Variants in CFAP299 observed in about 807,000 individuals in gnomAD.
The protein encoded by CFAP299 is cilia- and flagella-associated protein 299.
Under a neutral mutation model 27.0 loss-of-function variants are expected in CFAP299, and 21 were observed. The ratio of observed to expected loss-of-function variants is 0.78; its 90% CI spans 0.55 to 1.12. CFAP299 has a LOEUF of 1.12. CFAP299 is among the 50% of genes most tolerant of loss of function. CFAP299 has a pLI of 0.00. For missense variants in CFAP299, 310 were observed against 276.6 expected, an observed-to-expected ratio of 1.12 and a Z score of -0.86; for synonymous variants, 104 against 98.1, an observed-to-expected ratio of 1.06 and a Z score of -0.36.
chr4:80,842,419 C>T (rs1730912091), intron 3 of CFAP299, among the ~76,000 whole-genome samples: 1 of 152,122 alleles, frequency 6.6e-6, no homozygotes, highest in African/African-American at 2.4e-5. Flanking sequence ...CAGTTGGCTT[C>T]TAATTCCAGC....
chr4:80,556,919 A>C (rs1376251094), intron 2 of CFAP299, among the ~76,000 whole-genome samples: 1 of 152,046 alleles, frequency 6.6e-6, no homozygotes, highest in Non-Finnish European at 1.5e-5. Flanking sequence ...CTTATCTCTT[A>C]ATATTACATA....
At chr4:80,668,140 T>C (rs1242427919) in intron 3 of CFAP299, among the ~76,000 whole-genome samples, 1 of 116,226 alleles carries the variant, frequency 8.6e-6, no homozygotes, top group Non-Finnish European at 1.7e-5. Flanking sequence ...TTCAGTTCTT[T>C]TGTTTGTTTT....
chr4:80,943,848 C>T (rs905984112), intron 4 of CFAP299, among the ~76,000 whole-genome samples: 1 of 152,038 alleles, frequency 6.6e-6, no homozygotes, highest in Admixed American at 6.6e-5. Context: ...GTGGGCAGAT[C>T]ACGAGGTCAA....
intron 3 of CFAP299, among the ~76,000 whole-genome samples, chr4:80,767,129 T>C (rs571988213): frequency 1.3e-5 from 2 of 152,190 alleles, no homozygotes; most frequent in South Asian, 4.1e-4. Flanking sequence ...ACAAAATACA[T>C]ACATTGTATG....
chr4:80,725,849 T>C (rs971343628), intron 3 of CFAP299, among the ~76,000 whole-genome samples: 1 of 152,154 alleles, frequency 6.6e-6, no homozygotes, highest in Non-Finnish European at 1.5e-5. Context: ...ACTTTTGTAG[T>C]GATAGAGGAC....
In CFAP299 at chr4:80,421,243, T is replaced by C. The variant is rs143114593; in HGVS notation, c.242+58359T>C. ...ACATTCTGTTTTGCATTCTCATTAC[T>C]TTATGTAAGTGCCTCTATTAGATTA... On this transcript the variant is annotated intron_variant, in intron 2 of 5. Coordinates refer to ENST00000358105, the MANE Select transcript of CFAP299 (RefSeq NM_152770.3). Among the ~76,000 whole-genome samples, 129 of 152,324 alleles carry C rather than the reference T, an allele frequency of 8.5e-4. 2 individuals carry two copies. Among genetic ancestry groups the C allele is most frequent in the Middle Eastern group, 3.4e-3 (1 of 294 alleles).
At chr4:80,467,336 C>T (rs1729756718) in intron 2 of CFAP299, among the ~76,000 whole-genome samples, 2 of 152,188 alleles carry the variant, frequency 1.3e-5, no homozygotes, top group East Asian at 1.9e-4. Context: ...TAAGTCTATA[C>T]CTTGATGTAC....
chr4:80,858,992 C>G (rs1049359919), intron 3 of CFAP299, among the ~76,000 whole-genome samples: 1 of 152,084 alleles, frequency 6.6e-6, no homozygotes, highest in Non-Finnish European at 1.5e-5. Flanking sequence ...GTTGATCTGT[C>G]TAATGTTGAC....
At chr4:80,625,374 A>T (rs907644163) in intron 3 of CFAP299, among the ~76,000 whole-genome samples, 2 of 152,022 alleles carry the variant, frequency 1.3e-5, no homozygotes, top group African/African-American at 2.4e-5. Flanking sequence ...AGCAAAACCT[A>T]TCATAGGTAT....
chr4:80,390,411 C>T (rs753798006), intron 2 of CFAP299, among the ~76,000 whole-genome samples: 2 of 151,330 alleles, frequency 1.3e-5, no homozygotes, highest in Non-Finnish European at 2.9e-5. Context: ...GACATAATGT[C>T]CTCCAGGTTC....
At chr4:80,362,958 T>A in intron 2 of CFAP299, 74 bp downstream of exon 2, 11 of 1,476,306 alleles carry the variant, frequency 7.5e-6, no homozygotes, top group Non-Finnish European at 9.9e-6. Context: ...TTCGTTTGCA[T>A]TGTTTAATTT....
intron 4 of CFAP299, among the ~76,000 whole-genome samples, chr4:80,897,931 C>G (rs1734688543): frequency 6.6e-6 from 1 of 152,160 alleles, no homozygotes; most frequent in Non-Finnish European, 1.5e-5. Flanking sequence ...GGCACTCAAC[C>G]CCTTGCAGGA....
intron 4 of CFAP299, among the ~76,000 whole-genome samples, chr4:80,928,554 T>C (rs890006697): frequency 6.6e-5 from 10 of 152,118 alleles, no homozygotes; most frequent in African/African-American, 2.4e-4. Context: ...ATTCATAATG[T>C]AAAAGTGAGG....
At chr4:80,483,360 C>T (rs1343074382) in intron 2 of CFAP299, among the ~76,000 whole-genome samples, 2 of 152,142 alleles carry the variant, frequency 1.3e-5, no homozygotes, top group East Asian at 3.9e-4. Context: ...CAGGAGAAAA[C>T]TAATAACACC....
At chr4:80,788,844 T>G (rs1727391559) in intron 3 of CFAP299, among the ~76,000 whole-genome samples, 1 of 152,044 alleles carries the variant, frequency 6.6e-6, no homozygotes. Flanking sequence ...AGAAAGTCCT[T>G]GTTTATTAGA....
intron 3 of CFAP299, among the ~76,000 whole-genome samples, chr4:80,745,330 T>C (rs918956288): frequency 6.6e-6 from 1 of 152,086 alleles, no homozygotes; most frequent in Non-Finnish European, 1.5e-5. Flanking sequence ...ATAAAAATAA[T>C]GTTACTAAAA....
chr4:80,753,543 G>T (rs1725057985), intron 3 of CFAP299, among the ~76,000 whole-genome samples: 1 of 151,982 alleles, frequency 6.6e-6, no homozygotes, highest in Admixed American at 6.6e-5. Context: ...ATTAATTTTG[G>T]AAAATTCTCA....
intron 2 of CFAP299, among the ~76,000 whole-genome samples, chr4:80,447,157 A>T (rs1336029438): frequency 1.1e-5 from 1 of 90,208 alleles, no homozygotes; most frequent in African/African-American, 5.6e-5. Flanking sequence ...TTTTTTTGAG[A>T]CGGAGTCTCG....
Position 80,861,077 on chromosome 4 carries a change from T to TC in CFAP299, c.334-8915dup, listed in dbSNP as rs568626147. ...GGTGGGCTCCAACCAGTTGGAGCTT[T>TC]CAGCTGCTTTGTTTACCTAAGCAAG... On this transcript the variant is annotated intron_variant, in intron 3 of 5. Coordinates refer to ENST00000358105, the MANE Select transcript of CFAP299 (RefSeq NM_152770.3). 3.9e-3 allele frequency among the ~76,000 whole-genome samples: 587 copies of TC among 152,324 alleles called. 1 individual carries two copies. The highest frequency in any genetic ancestry group is 0.014 in the Middle Eastern group (4 of 294).
Sources: gnomAD v4.1 joint callset for allele counts (sites outside exome capture counted in the v4.1 genomes callset) on GRCh38, gnomAD v4.1.1 for gene constraint, MANE v1.5 for transcripts, NCBI Gene and HGNC (gene_info 2026-07-23, HGNC 2026-07-21) for gene names.